NPAS2: variants seen among roughly 807,000 people sequenced by gnomAD.
The protein encoded by NPAS2 is neuronal PAS domain-containing protein 2.
In NPAS2, 23 loss-of-function variants were observed where a neutral mutation model predicts 107.5. The observed-to-expected ratio is 0.21, with a 90% confidence interval of 0.15 to 0.30. The LOEUF (loss-of-function observed/expected upper bound fraction) is 0.30, where lower values mean the gene tolerates loss of function less well. Among genes scored for constraint, NPAS2 ranks in the 10% least tolerant of loss-of-function variants. The pLI, the probability that NPAS2 is intolerant of heterozygous loss-of-function variation, is 1.00. For synonymous variants in NPAS2, 403 were observed against 417.5 expected (o/e 0.97, Z 0.42); for missense variants, 756 against 1,043.3 (o/e 0.72, Z 3.79).
At chr2:100,970,737 T>C in intron 11 of NPAS2, 1 of 399,402 alleles carries the variant, frequency 2.5e-6, no homozygotes, top group African/African-American at 2.1e-5. Flanking sequence ...GAATAGTAAA[T>C]GAGAGGGGAA....
intron 1 of NPAS2, among the ~76,000 whole-genome samples, chr2:100,848,307 G>A (rs984193570): frequency 2.0e-5 from 3 of 152,180 alleles, no homozygotes; most frequent in Admixed American, 1.3e-4. Context: ...GATCTTCCAG[G>A]ATCATATAGT....
intron 1 of NPAS2, among the ~76,000 whole-genome samples, chr2:100,844,633 G>A (rs6722909): frequency 0.79 from 119,962 of 152,002 alleles, 48,129 homozygotes; most frequent in African/African-American, 0.92. Flanking sequence ...CTCTTATGTC[G>A]CCACATGAAT....
chr2:100,825,242 T>A (rs1289697139), intron 1 of NPAS2, among the ~76,000 whole-genome samples: 1 of 152,176 alleles, frequency 6.6e-6, no homozygotes, highest in Admixed American at 6.5e-5. Flanking sequence ...TGAATGATAT[T>A]TGTGCCCCTT....
chr2:100,876,231 C>T (rs530358595), intron 1 of NPAS2, among the ~76,000 whole-genome samples: 3 of 152,202 alleles, frequency 2.0e-5, no homozygotes, highest in Admixed American at 6.5e-5. Context: ...GCTTAGCAAC[C>T]TTTCTCCAGG....
At chr2:100,850,005 T>C (rs1370974377) in intron 1 of NPAS2, among the ~76,000 whole-genome samples, 2 of 114,422 alleles carry the variant, frequency 1.7e-5, no homozygotes, top group Non-Finnish European at 3.4e-5. Flanking sequence ...ACAGTAACTC[T>C]TTTTGTAAAA....
chr2:100,995,855 G>A lies in NPAS2; in HGVS notation c.*273G>A, dbSNP rs1184698606. The stretch of plus-strand genomic sequence containing the variant: ...GAACCAGGTGCCCCGTGTAGGCATC[G>A]TCGGTCGGTTTGCCGTCAGAGATGG... On this transcript the variant is annotated 3_prime_UTR_variant, in exon 21 of 21. Coordinates refer to ENST00000335681, the MANE Select transcript of NPAS2 (RefSeq NM_002518.4). 5.9e-6 allele frequency: 9 copies of A among 1,513,548 alleles called. No individual in the cohort carries two copies. Among genetic ancestry groups the A allele is most frequent in the East Asian group, 2.6e-5 (1 of 37,848 alleles). 93.8% of individuals were successfully genotyped at this position (1,513,548 alleles called of 1,614,324 possible).
intron 1 of NPAS2, among the ~76,000 whole-genome samples, chr2:100,899,078 G>A (rs991283318): frequency 6.6e-6 from 1 of 152,176 alleles, no homozygotes; most frequent in Non-Finnish European, 1.5e-5. Context: ...GTCAAGGCCT[G>A]AGAAACTCGC....
Position 100,995,673 on chromosome 2 carries a change from C to A in NPAS2, c.*91C>A. Reference sequence around the variant, plus strand: ...GATGGGGAGAGGAGTCTGAACTAAACCCCTGGCTTTTGTGCACACTGCATA... The same window carrying A: ...GATGGGGAGAGGAGTCTGAACTAAAACCCTGGCTTTTGTGCACACTGCATA... On this transcript the variant is annotated 3_prime_UTR_variant, in exon 21 of 21. Coordinates refer to ENST00000335681, the MANE Select transcript of NPAS2 (RefSeq NM_002518.4). 1 of 1,551,538 alleles carries A rather than the reference C, an allele frequency of 6.4e-7. No individual in the cohort carries two copies. Among genetic ancestry groups the A allele is most frequent in the South Asian group, 1.2e-5 (1 of 84,760 alleles).
intron 7 of NPAS2, among the ~76,000 whole-genome samples, chr2:100,953,430 C>A (rs564549589): frequency 6.6e-6 from 1 of 150,838 alleles, no homozygotes; most frequent in Non-Finnish European, 1.5e-5. Context: ...ATTTAACCAC[C>A]GTGACCTATG....
chr2:100,852,173 G>A (rs1461906780), intron 1 of NPAS2, among the ~76,000 whole-genome samples: 1 of 152,038 alleles, frequency 6.6e-6, no homozygotes, highest in South Asian at 2.1e-4. Context: ...AAGGCGGGCG[G>A]ATCACGAGGT....
At chr2:100,982,106 T>G in intron 15 of NPAS2, 125 bp from the exon 16 acceptor site, 2 of 1,206,516 alleles carry the variant, frequency 1.7e-6, no homozygotes, top group South Asian at 1.5e-5. Flanking sequence ...GTGGGCTCCT[T>G]AGGGATGCTG....
rs141669505 is a variant in NPAS2, at chr2:100,895,183, G to C, written c.-22-9550G>C. On this transcript the variant is annotated intron_variant, in intron 1 of 20. Transcript: ENST00000335681. ...CTGTTTCTCCCAAAGACACTTGTTG[G>C]GCTTAAGTACCAGTTTCTACTGTGA... 2.0e-3 allele frequency among the ~76,000 whole-genome samples: 302 copies of C among 152,250 alleles called. 1 individual carries two copies. The highest frequency in any genetic ancestry group is 6.8e-3 in the African/African-American group (282 of 41,532).
In NPAS2 at chr2:100,990,764, C is replaced by G. The variant is rs190454418; in HGVS notation, c.2019-16C>G. 146 of 1,611,086 alleles carry G rather than the reference C, an allele frequency of 9.1e-5. 2 individuals are homozygous for G. In the East Asian group the frequency reaches 3.1e-3, roughly 35 times the overall value. On this transcript the variant is annotated splice_polypyrimidine_tract_variant and intron_variant, in intron 18 of 20. Transcript: ENST00000335681. Reference sequence around the variant, plus strand: ...AGGTGCTGATCAGTTTCCTATTTCCCCACCTCTGCTTAAAGGCTGTTGCTG... The same window carrying G: ...AGGTGCTGATCAGTTTCCTATTTCCGCACCTCTGCTTAAAGGCTGTTGCTG...
chr2:100,988,495 A>G (rs919831269), intron 17 of NPAS2: 7 of 560,186 alleles, frequency 1.2e-5, no homozygotes, highest in East Asian at 6.0e-5. Context: ...TGTTTTATAA[A>G]TGTCCACCTC....
intron 1 of NPAS2, among the ~76,000 whole-genome samples, chr2:100,864,485 A>C (rs1415982942): frequency 1.3e-5 from 2 of 152,330 alleles, no homozygotes; most frequent in Non-Finnish European, 2.9e-5. Context: ...ACTCCTTGGA[A>C]TAAAAAGTCC....
At chr2:100,975,942 A>G (rs1419737658) in intron 14 of NPAS2, among the ~76,000 whole-genome samples, 1 of 152,162 alleles carries the variant, frequency 6.6e-6, no homozygotes, top group Non-Finnish European at 1.5e-5. Flanking sequence ...AGTGTCAACA[A>G]AAATGTACCT....
chr2:100,824,955 A>T (rs181347176), intron 1 of NPAS2, among the ~76,000 whole-genome samples: 2 of 152,244 alleles, frequency 1.3e-5, no homozygotes, highest in East Asian at 3.9e-4. Flanking sequence ...TGGAGACGAG[A>T]GAGGGAAAGG....
At chr2:100,832,862 A>G (rs979037592) in intron 1 of NPAS2, among the ~76,000 whole-genome samples, 1 of 152,116 alleles carries the variant, frequency 6.6e-6, no homozygotes, top group African/African-American at 2.4e-5. Context: ...CTCTGTACAA[A>G]ATCTCCTTAT....
intron 1 of NPAS2, among the ~76,000 whole-genome samples, chr2:100,877,157 A>T (rs1680022331): frequency 6.6e-6 from 1 of 152,126 alleles, no homozygotes; most frequent in Non-Finnish European, 1.5e-5. Context: ...CCTCCTGGGA[A>T]TTGCTGTATT....
Sources: allele counts gnomAD v4.1 joint callset (sites outside exome capture counted in the v4.1 genomes callset), GRCh38; gene constraint gnomAD v4.1.1; transcripts MANE v1.5; gene names NCBI Gene and HGNC (gene_info 2026-07-23, HGNC 2026-07-21).